The following NCKAP5 variants were observed in gnomAD, a reference collection of about 807,000 sequenced individuals.
NCKAP5 encodes NCK associated protein 5.
A neutral mutation model predicts 167.0 loss-of-function variants in NCKAP5; 92 were observed. That is an observed-to-expected ratio of 0.55 (90% CI 0.47 to 0.66). The LOEUF (loss-of-function observed/expected upper bound fraction) is 0.66, where lower values mean the gene tolerates loss of function less well. Ranked by LOEUF, NCKAP5 falls within the 30% of genes least tolerant of loss-of-function variation. The pLI is 0.00. For missense variants in NCKAP5, 2,378 were observed against 2,315.0 expected (o/e 1.03, Z -0.56); for synonymous variants, 891 against 877.4 (o/e 1.02, Z -0.27).
At chr2:133,584,941 A>AGAGGGAAG in the NCKAP5 span, among the ~76,000 whole-genome samples, 1 of 113,812 alleles carries the variant, frequency 8.8e-6, no homozygotes, top group Non-Finnish European at 1.8e-5. Context: ...AAAAAAAGAA[A>AGAGGGAAG]GAAGGAAGGA....
intron 4 of NCKAP5, 100 bp from the exon 5 acceptor site, chr2:133,213,879 T>G: frequency 1.9e-4 from 200 of 1,039,322 alleles, no homozygotes; most frequent in Non-Finnish European, 2.7e-4. Flanking sequence ...GAGGAATTCC[T>G]TCCTTGGTTT....
chr2:132,783,096 C>G lies in NCKAP5; in HGVS notation c.3715G>C (p.Gly1239Arg). The G allele has an allele frequency of 1.2e-6, 2 of 1,613,800 alleles. No homozygotes were observed. The highest frequency in any genetic ancestry group is 3.3e-5 in the Admixed American group (2 of 60,000). Residue 1239 changes from glycine (G) to arginine (R), a missense_variant, in exon 14 of 20, where the codon GGG becomes CGG. By Grantham distance (125) the Gly-to-Arg change is moderately radical (BLOSUM62 -2). Transcript: ENST00000409261. ...TCTACCCCATCCCTTCCATCACTCC[C>G]AGGGATGCTACTTTCCAATGGCTCT... ...LQEPLESSIP[G>R]SDGRDGVDNR...
chr2:133,084,005 T>A (rs1007153727), intron 6 of NCKAP5, among the ~76,000 whole-genome samples: 1 of 152,104 alleles, frequency 6.6e-6, no homozygotes, highest in Admixed American at 6.5e-5. Context: ...CCTAAGAGAA[T>A]GTGAACATTG....
intron 3 of NCKAP5, among the ~76,000 whole-genome samples, chr2:133,468,709 A>T (rs1190660263): frequency 6.6e-6 from 1 of 152,210 alleles, no homozygotes; most frequent in African/African-American, 2.4e-5. Flanking sequence ...TTGGGTGCAT[A>T]TATATTTAGG....
chr2:133,642,768 C>T, the NCKAP5 span, among the ~76,000 whole-genome samples: 1 of 152,194 alleles, frequency 6.6e-6, no homozygotes, highest in East Asian at 1.9e-4. Flanking sequence ...TGCAGATGAA[C>T]TAGATTCCTG....
At chr2:132,983,082 T>C (rs974526451) in intron 7 of NCKAP5, among the ~76,000 whole-genome samples, 4 of 152,196 alleles carry the variant, frequency 2.6e-5, no homozygotes, top group Admixed American at 6.5e-5. Context: ...GTAAATGGAA[T>C]TGCATTCTTG....
chr2:133,112,028 A>G (rs1039488701), intron 6 of NCKAP5, among the ~76,000 whole-genome samples: 3 of 152,216 alleles, frequency 2.0e-5, no homozygotes, highest in African/African-American at 7.2e-5. Context: ...GGAGACAGAA[A>G]TGCAAAATTC....
chr2:133,222,311 AAT>A (rs1439313542), intron 4 of NCKAP5, among the ~76,000 whole-genome samples: 10 of 152,110 alleles, frequency 6.6e-5, no homozygotes, highest in African/African-American at 2.4e-4. Context: ...ATAATTATAA[AAT>A]ATGACTATAA....
intron 6 of NCKAP5, among the ~76,000 whole-genome samples, chr2:133,055,101 C>T (rs188257973): frequency 6.9e-4 from 105 of 152,092 alleles, no homozygotes; most frequent in African/African-American, 2.4e-3. Flanking sequence ...GGTGGTATCA[C>T]AAAGGAACAA....
At chr2:133,432,625 G>T (rs904188617) in intron 3 of NCKAP5, among the ~76,000 whole-genome samples, 2 of 152,112 alleles carry the variant, frequency 1.3e-5, no homozygotes, top group Non-Finnish European at 2.9e-5. Flanking sequence ...ATACCTGGCC[G>T]TCAGGGTAGC....
At chr2:132,792,707 T>C (rs1442580595) in intron 12 of NCKAP5, among the ~76,000 whole-genome samples, 1 of 152,202 alleles carries the variant, frequency 6.6e-6, no homozygotes, top group Admixed American at 6.5e-5. Flanking sequence ...TGCCTGGCTA[T>C]TGGTTACAGT....
chr2:132,943,954 A>C (rs1247725581), intron 8 of NCKAP5, among the ~76,000 whole-genome samples: 2 of 152,198 alleles, frequency 1.3e-5, no homozygotes, highest in Non-Finnish European at 2.9e-5. Context: ...GTTGTGCAGC[A>C]TGTGTAGAGG....
chr2:133,358,268 C>T (rs146151333), intron 3 of NCKAP5, among the ~76,000 whole-genome samples: 104 of 152,114 alleles, frequency 6.8e-4, no homozygotes, highest in Non-Finnish European at 1.2e-3. Context: ...GTTATTATCC[C>T]AATAAAATCA....
chr2:132,976,355 G>C (rs2076976418), intron 7 of NCKAP5, among the ~76,000 whole-genome samples: 2 of 152,138 alleles, frequency 1.3e-5, no homozygotes, highest in South Asian at 2.1e-4. Context: ...ATGAGGTCAG[G>C]AGTTCAAGAC....
chr2:132,710,809 G>A (rs1386611563), intron 19 of NCKAP5, among the ~76,000 whole-genome samples: 1 of 152,104 alleles, frequency 6.6e-6, no homozygotes, highest in Non-Finnish European at 1.5e-5. Context: ...TAATTTGACT[G>A]TATTATGTGA....
At chr2:133,478,857 T>G (rs2151307047) in intron 3 of NCKAP5, among the ~76,000 whole-genome samples, 1 of 152,142 alleles carries the variant, frequency 6.6e-6, no homozygotes, top group Middle Eastern at 3.4e-3. Flanking sequence ...CTGGGGACAG[T>G]GACAAAATGA....
chr2:133,427,111 G>T (rs984353904), intron 3 of NCKAP5, among the ~76,000 whole-genome samples: 1 of 152,048 alleles, frequency 6.6e-6, no homozygotes, highest in Non-Finnish European at 1.5e-5. Flanking sequence ...AAACACAAAA[G>T]CAACAAAGAA....
intron 3 of NCKAP5, among the ~76,000 whole-genome samples, chr2:133,383,480 T>G (rs1358113756): frequency 2.6e-5 from 4 of 152,194 alleles, no homozygotes; most frequent in Non-Finnish European, 5.9e-5. Flanking sequence ...GACATTTGGG[T>G]TGGTTCCAAG....
At chr2:133,009,912 A>G (rs2078095503) in intron 6 of NCKAP5, among the ~76,000 whole-genome samples, 2 of 151,994 alleles carry the variant, frequency 1.3e-5, no homozygotes, top group African/African-American at 4.8e-5. Context: ...TATTAAAAAT[A>G]CAAAAAAAAT....
Sources: allele counts gnomAD v4.1 joint callset (sites outside exome capture counted in the v4.1 genomes callset), GRCh38; gene constraint gnomAD v4.1.1; transcripts MANE v1.5; gene names NCBI Gene and HGNC (gene_info 2026-07-23, HGNC 2026-07-21).